ARID1A: variants seen among roughly 807,000 people sequenced by gnomAD.
ARID1A encodes the protein AT-rich interactive domain-containing protein 1A.
A neutral mutation model predicts 212.6 loss-of-function variants in ARID1A; 20 were observed. The observed-to-expected ratio is 0.09, with a 90% CI of 0.07 to 0.14. The LOEUF (loss-of-function observed/expected upper bound fraction) is 0.14. Among genes scored for constraint, ARID1A ranks in the 10% least tolerant of loss-of-function variants. The probability of loss-of-function intolerance (pLI) is 1.00; values close to 1 mark genes in which losing one functional copy is unlikely to be tolerated. For synonymous variants in ARID1A, 1,376 were observed against 1,222.1 expected, an observed-to-expected ratio of 1.13 and a Z score of -2.63; for missense variants, 2,587 against 3,059.0, an observed-to-expected ratio of 0.85 and a Z score of 3.64.
At chr1:26,714,436 C>T (rs760938939) in intron 1 of ARID1A, among the ~76,000 whole-genome samples, 4 of 148,260 alleles carry the variant, frequency 2.7e-5, no homozygotes, top group Admixed American at 6.8e-5. Context: ...GTTTTTGAGA[C>T]GGAATCTCGT....
Position 26,696,174 on chromosome 1 carries a change from G to C in ARID1A, c.-230G>C. On this transcript the variant is annotated 5_prime_UTR_variant, in exon 1 of 20. Transcript: ENST00000324856. The stretch of plus-strand genomic sequence containing the variant: ...AGAGCCGGGAGCAGCTGAGCCGCCG[G>C]CGCCTCGGCCGCCGCCGCCGCCTCC... The C allele has an allele frequency of 1.8e-6, 1 of 566,208 alleles. No homozygotes were observed. Among genetic ancestry groups the C allele is most frequent in the Non-Finnish European group, 2.4e-6 (1 of 408,878 alleles). The allele number at this position is 566,208 out of a possible 1,614,324, so 35.1% of individuals were successfully genotyped here. A position where few individuals can be genotyped will look rare whatever the true frequency, so the allele number is the denominator to read the frequency against.
chr1:26,739,127 T>C (rs1388663100), intron 4 of ARID1A, among the ~76,000 whole-genome samples: 1 of 151,976 alleles, frequency 6.6e-6, no homozygotes, highest in Non-Finnish European at 1.5e-5. Context: ...GACCTTGTGA[T>C]CCACCCACCT....
chr1:26,766,647 C>T, intron 10 of ARID1A, 81 bp downstream of exon 10: 1 of 1,379,594 alleles, frequency 7.2e-7, no homozygotes, highest in Non-Finnish European at 9.9e-7. Context: ...AAGAGAGTGA[C>T]AAGATCCCAG....
chr1:26,706,904 C>G (rs763340786), intron 1 of ARID1A, among the ~76,000 whole-genome samples: 29 of 152,162 alleles, frequency 1.9e-4, no homozygotes, highest in Non-Finnish European at 1.8e-4. Flanking sequence ...TTTTAGTCTC[C>G]AGATTTCTAA....
Position 26,760,982 on chromosome 1 carries a change from C to G in ARID1A, c.2047C>G (p.Pro683Ala), listed in dbSNP as rs2080986231. 1 of 1,614,090 alleles carries G rather than the reference C, an allele frequency of 6.2e-7. No homozygotes were observed. Among genetic ancestry groups the G allele is most frequent in the Non-Finnish European group, 8.5e-7 (1 of 1,180,024 alleles). The change falls in exon 5 of 20, where the codon CCT becomes GCT. Residue 683 changes from proline (P) to alanine (A), a missense_variant. By Grantham distance (27) the Pro-to-Ala change is conservative. Around this residue, in one of 11 missense-constraint regions of ARID1A, gnomAD observed 674 missense variants for 813.4 expected, o/e 0.83. Coordinates refer to ENST00000324856, the MANE Select transcript of ARID1A (RefSeq NM_006015.6). ...TAATCCAGCTCAGTCTCCTTTCTCT[C>G]CTCATACCTCCCCTCACCTGCCTGG... Reference protein sequence around the residue: ...QSNPAQSPFSPHTSPHLPGIR... With the variant: ...QSNPAQSPFSAHTSPHLPGIR...
At position 26,775,798 on chromosome 1, in the gene ARID1A, TTC is replaced by T; in HGVS notation, c.5124+95_5124+96del. ...GTCTCATCTTTAGCCACCTTGGTCT[TTC>T]TCTTTCTCTCTTGTAGATATCTTCC... On this transcript the variant is annotated intron_variant, in intron 19 of 19. Transcript: ENST00000324856. The T allele has an allele frequency of 3.8e-6, 6 of 1,571,602 alleles. No individual in the cohort carries two copies. In the South Asian group the frequency reaches 5.6e-5, roughly 15 times the overall value.
At chr1:26,741,513 T>G (rs1158861584) in intron 4 of ARID1A, among the ~76,000 whole-genome samples, 1 of 152,120 alleles carries the variant, frequency 6.6e-6, no homozygotes, top group Non-Finnish European at 1.5e-5. Context: ...GAGGGAAAAG[T>G]GAAGGTGCTG....
At chr1:26,736,643 AAAAG>A (rs1233645542) in intron 4 of ARID1A, among the ~76,000 whole-genome samples, 8 of 150,500 alleles carry the variant, frequency 5.3e-5, no homozygotes, top group Admixed American at 1.3e-4. Flanking sequence ...AAAAAAAAAA[AAAAG>A]GGCACAGTGG....
intron 4 of ARID1A, among the ~76,000 whole-genome samples, chr1:26,746,965 C>T (rs1207750630): frequency 1.3e-5 from 2 of 152,016 alleles, no homozygotes; most frequent in African/African-American, 2.4e-5. Flanking sequence ...TTGCTTGAAC[C>T]CGGGAGGCAG....
At chr1:26,707,898 A>C (rs77408691) in intron 1 of ARID1A, among the ~76,000 whole-genome samples, 9,042 of 152,280 alleles carry the variant, frequency 0.059, 325 homozygotes, top group Non-Finnish European at 0.08. Context: ...GACTCTTCAA[A>C]GGTATTACAA....
At position 26,773,586 on chromosome 1, in the gene ARID1A, G is replaced by T. The variant is rs201904230; in HGVS notation, c.3873G>T (p.Glu1291Asp). Residue 1291 changes from glutamate to aspartate, a missense_variant, in exon 16 of 20, where the codon GAG (glutamate) becomes GAT (aspartate). Transcript: ENST00000324856. Reference protein sequence around the residue: ...YGGPYDRVRTEPGIGPEGNMS... With the variant: ...YGGPYDRVRTDPGIGPEGNMS... ...CCTCTCCAATTTTGTTTAGGACGGA[G>T]CCTGGAATAGGGCCTGAGGGAAACA... The T allele has an allele frequency of 7.0e-5, 113 of 1,614,204 alleles. No homozygotes were observed. Among genetic ancestry groups the T allele is most frequent in the Non-Finnish European group, 7.8e-5 (92 of 1,180,036 alleles).
intron 8 of ARID1A, 128 bp downstream of exon 8, chr1:26,763,413 C>A: frequency 9.2e-7 from 1 of 1,082,462 alleles, no homozygotes; most frequent in Non-Finnish European, 1.3e-6. Context: ...AGTGTTAATT[C>A]TTACATACCT....
At chr1:26,776,249 G>A (rs192871821) in intron 19 of ARID1A, among the ~76,000 whole-genome samples, 25 of 151,140 alleles carry the variant, frequency 1.7e-4, no homozygotes, top group African/African-American at 5.8e-4. Context: ...GATGTAGAGT[G>A]GATGGGGGAT....
chr1:26,746,583 T>A (rs1040139325), intron 4 of ARID1A, among the ~76,000 whole-genome samples: 1 of 152,186 alleles, frequency 6.6e-6, no homozygotes, highest in Non-Finnish European at 1.5e-5. Context: ...GGGGAGGACC[T>A]GTAGGTGTGG....
chr1:26,755,830 G>A (rs765438574), intron 4 of ARID1A, among the ~76,000 whole-genome samples: 2 of 151,108 alleles, frequency 1.3e-5, no homozygotes, highest in Admixed American at 6.6e-5. Flanking sequence ...TGCAACCTCC[G>A]CCTCCCGGGT....
intron 1 of ARID1A, among the ~76,000 whole-genome samples, chr1:26,703,896 G>A (rs909236426): frequency 6.6e-6 from 1 of 152,196 alleles, no homozygotes; most frequent in African/African-American, 2.4e-5. Context: ...GAAAAGCAAG[G>A]TTTCATAAAT....
intron 4 of ARID1A, among the ~76,000 whole-genome samples, chr1:26,759,568 T>C (rs764354372): frequency 1.3e-5 from 2 of 152,170 alleles, no homozygotes; most frequent in Non-Finnish European, 2.9e-5. Flanking sequence ...TTTCATCCTT[T>C]CTTCAATTAC....
intron 4 of ARID1A, among the ~76,000 whole-genome samples, chr1:26,737,401 C>T (rs2080744060): frequency 6.6e-6 from 1 of 152,060 alleles, no homozygotes; most frequent in Non-Finnish European, 1.5e-5. Context: ...TATAGGCATG[C>T]ACCACCTTGC....
At position 26,780,380 on chromosome 1, in the gene ARID1A, C is replaced by T. The variant is rs749602456; in HGVS notation, c.6482C>T (p.Pro2161Leu). 16 of 1,614,238 alleles carry T rather than the reference C, an allele frequency of 9.9e-6. No homozygotes were observed. The highest frequency in any genetic ancestry group is 6.7e-5 in the Admixed American group (4 of 60,030). Residue 2161 changes from proline to leucine, a missense_variant, in exon 20 of 20, where the codon CCG becomes CTG. Physicochemically the swap from Pro to Leu is moderately conservative, Grantham distance 98 (BLOSUM62 -3). Transcript: ENST00000324856. The surrounding 1 kb of genome is among the most constrained non-coding windows in gnomAD (Gnocchi z 7.2). ...CGCTTCCTCAGTGACCGAAAGAACC[C>T]GGTGTGCCGGGAGATGGCTGTGGTA... Reference protein sequence around the residue: ...MVRFLSDRKNPVCREMAVVLL... With the variant: ...MVRFLSDRKNLVCREMAVVLL...
Sources: allele counts gnomAD v4.1 joint callset (sites outside exome capture counted in the v4.1 genomes callset), GRCh38; gene constraint gnomAD v4.1.1; regional missense constraint gnomAD v4.1.1; non-coding constraint Gnocchi (gnomAD v3.1); transcripts MANE v1.5; gene names NCBI Gene and HGNC (gene_info 2026-07-23, HGNC 2026-07-21).